The following PPIE variants were observed in gnomAD, a reference collection of about 807,000 sequenced individuals.
PPIE encodes the protein peptidyl-prolyl cis-trans isomerase E.
A neutral mutation model predicts 38.4 loss-of-function variants in PPIE; 20 were observed. The observed-to-expected ratio is 0.52, with a 90% confidence interval of 0.37 to 0.76. The LOEUF is 0.76. PPIE is among the 30% of genes least tolerant of loss of function. PPIE has a pLI of 0.00. For missense variants in PPIE, 322 were observed against 385.8 expected (o/e 0.83, Z 1.39); for synonymous variants, 142 against 135.7 (o/e 1.05, Z -0.32).
chr1:39,757,438 C>T (rs1219378195), downstream of PPIE: 2 of 152,266 alleles, frequency 1.3e-5, no homozygotes, highest in Non-Finnish European at 2.9e-5. Context: ...TGCCTCTATT[C>T]CTGTTTCTTT....
In PPIE at chr1:39,753,300, A is replaced by G. The variant is rs1370608227; in HGVS notation, c.851A>G (p.Lys284Arg). 6.2e-7 allele frequency: 1 copy of G among 1,614,074 alleles called. No individual in the cohort carries two copies. The highest frequency in any genetic ancestry group is 8.5e-7 in the Non-Finnish European group (1 of 1,180,028). The change falls in exon 10 of 10, where the codon AAG becomes AGG. Residue 284 changes from lysine (K) to arginine (R), a missense_variant. Lys to Arg is a conservative substitution (Grantham distance 26, BLOSUM62 2). Transcript: ENST00000324379. ...TCTGCCACAAAGGCCCAGGGCAGCA[A>G]GGACGGGAAGCCAAAGCAGAAGGTG... ...VLRQIEAQGS[K>R]DGKPKQKVII...
downstream of PPIE, chr1:39,759,647 C>T (rs1648677489): frequency 3.9e-5 from 6 of 152,240 alleles, no homozygotes; most frequent in Admixed American, 3.9e-4. Context: ...GAGCTGAGCT[C>T]CTGGTGGGGC....
chr1:39,745,518 CAG>C lies in PPIE; in HGVS notation c.508+22_508+23del. 2.5e-6 allele frequency: 4 copies of C among 1,614,130 alleles called. No homozygotes were observed. Among genetic ancestry groups the C allele is most frequent in the Non-Finnish European group, 3.4e-6 (4 of 1,180,008 alleles). ...CAGCAGGTGAGCAGGACGCTGTGGT[CAG>C]AACGGCGGGACGCTGGTGGCTGAGC... On this transcript the variant is annotated intron_variant, in intron 7 of 9. Transcript: ENST00000324379.
At position 39,738,909 on chromosome 1, in the gene PPIE, C is replaced by T. The variant is rs1470321240; in HGVS notation, c.9C>T (p.Thr3=). 7 of 1,507,338 alleles carry T rather than the reference C, an allele frequency of 4.6e-6. No homozygotes were observed. Among genetic ancestry groups the T allele is most frequent in the African/African-American group, 2.9e-5 (2 of 68,970 alleles). The allele number at this position is 1,507,338 out of a possible 1,614,324, so 93.4% of individuals were successfully genotyped here. A position where few individuals can be genotyped will look rare whatever the true frequency, so the allele number is the denominator to read the frequency against. The part of the protein sequence containing the change: MA[T]TKRVLYVGGL... Reference sequence around the variant, plus strand: ...AAAAGCGCGCGAGCAAGATGGCCACCACCAAGCGCGTCTTGTACGTGGGTG... The same window carrying T: ...AAAAGCGCGCGAGCAAGATGGCCACTACCAAGCGCGTCTTGTACGTGGGTG... The change falls in exon 1 of 10, where the codon ACC becomes ACT. Residue 3 remains threonine, a synonymous_variant. Transcript: ENST00000324379.
chr1:39,744,789 A>G (rs1209489246), intron 6 of PPIE, among the ~76,000 whole-genome samples: 2 of 152,204 alleles, frequency 1.3e-5, no homozygotes, highest in African/African-American at 4.8e-5. Context: ...TGGCCATCAC[A>G]GTCAGTGGAG....
chr1:39,751,991 C>T (rs970545110), intron 8 of PPIE, among the ~76,000 whole-genome samples: 3 of 151,996 alleles, frequency 2.0e-5, no homozygotes, highest in Non-Finnish European at 2.9e-5. Flanking sequence ...TAGTCTCAGC[C>T]GCTTGGGAGT....
At position 39,748,991 on chromosome 1, in the gene PPIE, G is replaced by A; in HGVS notation, c.597G>A (p.Gln199=). Residue 199 remains glutamine (Q), a synonymous_variant, in exon 8 of 10, where the codon CAG becomes CAA. Coordinates refer to ENST00000324379, the MANE Select transcript of PPIE (RefSeq NM_006112.4). ...GCATCATCCCCCAGTTCATGTGCCA[G>A]GGCGGTGATTTCACAAACCACAATG... ...FHRIIPQFMC[Q]GGDFTNHNGT... The A allele has an allele frequency of 6.2e-7, 1 of 1,613,968 alleles. No homozygotes were observed. The highest frequency in any genetic ancestry group is 2.2e-5 in the East Asian group (1 of 44,888).
In PPIE at chr1:39,762,873, C is replaced by T. The variant is rs76547857; in HGVS notation, c.838-816C>T. Among the ~76,000 whole-genome samples the T allele has an allele frequency of 1.2e-4, 19 of 152,374 alleles. No homozygotes were observed. The East Asian group carries it at 2.3e-3, about 19-fold the overall frequency. Reference sequence around the variant, plus strand: ...ACAGGCATGTGTACACGACTGTTCACGTATGTCCGTGTTTGGGTGCGAGTC... The same window carrying T: ...ACAGGCATGTGTACACGACTGTTCATGTATGTCCGTGTTTGGGTGCGAGTC... On this transcript the variant is annotated intron_variant, in intron 9 of 9. Transcript: ENST00000356511.
At chr1:39,762,863 C>T (rs1201570675) in intron 9 of PPIE, among the ~76,000 whole-genome samples, 1 of 152,350 alleles carries the variant, frequency 6.6e-6, no homozygotes, top group East Asian at 1.9e-4. Flanking sequence ...CATGTGTACA[C>T]GACTGTTCAC....
chr1:39,739,193 G>A (rs1646996636), intron 1 of PPIE: 2 of 399,670 alleles, frequency 5.0e-6, no homozygotes. Flanking sequence ...TGGGTCTCCC[G>A]AAAAATGACC....
At chr1:39,760,045 CCT>C, downstream of PPIE, 1 of 255,396 alleles carries the variant, frequency 3.9e-6, no homozygotes, top group Non-Finnish European at 7.7e-6. Context: ...GCTCCAGGTG[CCT>C]CTCAGGTCAT....
At chr1:39,749,731 C>T (rs887928625) in intron 8 of PPIE, among the ~76,000 whole-genome samples, 2 of 152,234 alleles carry the variant, frequency 1.3e-5, no homozygotes, top group African/African-American at 4.8e-5. Context: ...CTCTCCTCTA[C>T]TTAGGAACAT....
At position 39,753,665 on chromosome 1, in the gene PPIE, C is replaced by A; in HGVS notation, c.*310C>A. 1 of 1,179,664 alleles carries A rather than the reference C, an allele frequency of 8.5e-7. No homozygotes were observed. The highest frequency in any genetic ancestry group is 1.0e-6 in the Non-Finnish European group (1 of 952,926). 73.1% of individuals were successfully genotyped at this position (1,179,664 alleles called of 1,614,324 possible). A position where few individuals can be genotyped will look rare whatever the true frequency, so the allele number is the denominator to read the frequency against. On this transcript the variant is annotated 3_prime_UTR_variant, in exon 10 of 10. Coordinates refer to ENST00000324379, the MANE Select transcript of PPIE (RefSeq NM_006112.4). The stretch of plus-strand genomic sequence containing the variant: ...CCTGGGACTACCAGTGTGGCTCTTA[C>A]GTGTTTTCTTTGCTAAAATAAACCC...
intron 9 of PPIE, chr1:39,763,032 G>C: frequency 6.3e-7 from 1 of 1,580,938 alleles, no homozygotes; most frequent in Non-Finnish European, 8.7e-7. Context: ...AGCTGGACCA[G>C]ACCCCTCTCC....
chr1:39,753,109 G>T, intron 9 of PPIE, 57 bp downstream of exon 9: 3 of 1,608,088 alleles, frequency 1.9e-6, no homozygotes, highest in Non-Finnish European at 2.5e-6. Flanking sequence ...ACAGCCCTGT[G>T]TGAGGGCTGG....
intron 1 of PPIE, 199 bp downstream of exon 1, chr1:39,739,130 ACTT>A (rs140607790): frequency 0.057 from 27,617 of 485,832 alleles, 986 homozygotes; most frequent in Middle Eastern, 0.13. Context: ...AAAAGTGCAG[ACTT>A]CTTAGCAGTA....
rs991564619 is a variant in PPIE at position 39,750,257 on chromosome 1, T to C, written c.694+1169T>C. On this transcript the variant is annotated intron_variant, in intron 8 of 9. Coordinates refer to ENST00000324379, the MANE Select transcript of PPIE (RefSeq NM_006112.4). ...AACTTCTTGAAAACATGGTACAGAC[T>C]TGCTGCCTTCGCGTTTTCTCTAATC... Among the ~76,000 whole-genome samples, 2 of 152,216 alleles carry C rather than the reference T, an allele frequency of 1.3e-5. 1 individual carries two copies. Among genetic ancestry groups the C allele is most frequent in the African/African-American group, 4.8e-5 (2 of 41,444 alleles).
chr1:39,760,458 C>T, downstream of PPIE: 2 of 1,614,176 alleles, frequency 1.2e-6, no homozygotes, highest in East Asian at 2.2e-5. Context: ...TGTTGCGGTG[C>T]TTGCGCAGGA....
chr1:39,748,976 C>T lies in PPIE; in HGVS notation c.582C>T (p.Pro194=), dbSNP rs112803459. 4.9e-3 allele frequency: 7,990 copies of T among 1,614,164 alleles called. 29 individuals carry two copies. Among genetic ancestry groups the T allele is most frequent in the Non-Finnish European group, 5.8e-3 (6,819 of 1,180,020 alleles). The change falls in exon 8 of 10, where the codon CCC becomes CCT. Residue 194 remains proline (P), a synonymous_variant. Coordinates refer to ENST00000324379, the MANE Select transcript of PPIE (RefSeq NM_006112.4). ...GAAGCAGCTTCCACCGCATCATCCC[C>T]CAGTTCATGTGCCAGGGCGGTGATT... ...FKGSSFHRII[P]QFMCQGGDFT...
Sources: gnomAD v4.1 joint callset for allele counts (sites outside exome capture counted in the v4.1 genomes callset) on GRCh38, gnomAD v4.1.1 for gene constraint, MANE v1.5 for transcripts, NCBI Gene and HGNC (gene_info 2026-07-23, HGNC 2026-07-21) for gene names.